The following GRM7 variants were observed in gnomAD, a reference collection of about 807,000 sequenced individuals.
The protein encoded by GRM7 is glutamate metabotropic receptor 7, also known as metabotropic glutamate receptor 7.
Under a neutral mutation model 84.5 loss-of-function variants are expected in GRM7, and 35 were observed. That is an observed-to-expected ratio of 0.41 (90% confidence interval 0.32 to 0.55). The LOEUF is 0.55. Among genes scored for constraint, GRM7 ranks in the 20% least tolerant of loss-of-function variants. The pLI, the probability that GRM7 is intolerant of heterozygous loss-of-function variation, is 0.19. For synonymous variants in GRM7, 487 were observed against 455.1 expected, an observed-to-expected ratio of 1.07 and a Z score of -0.89; for missense variants, 1,003 against 1,194.6, an observed-to-expected ratio of 0.84 and a Z score of 2.36.
chr3:7,119,982 C>A (rs1693165264), intron 1 of GRM7, among the ~76,000 whole-genome samples: 1 of 152,030 alleles, frequency 6.6e-6, no homozygotes, highest in Non-Finnish European at 1.5e-5. Flanking sequence ...GGCAATCTTT[C>A]ATTAATGTAG....
At chr3:7,137,883 AG>A (rs1229671517) in intron 1 of GRM7, among the ~76,000 whole-genome samples, 1 of 152,124 alleles carries the variant, frequency 6.6e-6, no homozygotes, top group Non-Finnish European at 1.5e-5. Flanking sequence ...AATTACTGTC[AG>A]TTCATTCAAA....
chr3:7,122,125 G>T (rs1268758980), intron 1 of GRM7, among the ~76,000 whole-genome samples: 1 of 152,168 alleles, frequency 6.6e-6, no homozygotes, highest in African/African-American at 2.4e-5. Context: ...GTGGTGTTCT[G>T]TTATAGCAGC....
chr3:7,735,360 A>G (rs1702469094), intron 9 of GRM7, among the ~76,000 whole-genome samples: 1 of 88,756 alleles, frequency 1.1e-5, no homozygotes, highest in Admixed American at 9.4e-5. Context: ...ATGTTCTTAC[A>G]TAATGCAAAA....
chr3:7,389,834 A>G (rs958728194), intron 4 of GRM7, among the ~76,000 whole-genome samples: 1 of 150,718 alleles, frequency 6.6e-6, no homozygotes, highest in African/African-American at 2.4e-5. Flanking sequence ...GAGTGTTTTG[A>G]TTGTTTGCAT....
At chr3:7,136,546 C>G (rs1434593551) in intron 1 of GRM7, among the ~76,000 whole-genome samples, 1 of 146,456 alleles carries the variant, frequency 6.8e-6, no homozygotes, top group Non-Finnish European at 1.5e-5. Context: ...AAAAAGTATG[C>G]CGAGGAAAAG....
chr3:7,618,644 T>G (rs1036666712), intron 8 of GRM7, among the ~76,000 whole-genome samples: 1 of 152,170 alleles, frequency 6.6e-6, no homozygotes, highest in African/African-American at 2.4e-5. Context: ...AATGTCCTTT[T>G]GCAAAGTCTC....
intron 1 of GRM7, among the ~76,000 whole-genome samples, chr3:6,880,690 C>A (rs1000916333): frequency 7.9e-5 from 12 of 152,080 alleles, no homozygotes; most frequent in African/African-American, 2.4e-5. Context: ...TACTAAGAAT[C>A]CTTCAGCATT....
At chr3:7,646,588 A>T (rs898728567) in intron 8 of GRM7, among the ~76,000 whole-genome samples, 1 of 152,216 alleles carries the variant, frequency 6.6e-6, no homozygotes, top group East Asian at 1.9e-4. Flanking sequence ...TGCAGTACAC[A>T]TAGGCCCAAA....
At chr3:7,670,527 C>G (rs905612178) in intron 8 of GRM7, among the ~76,000 whole-genome samples, 2 of 152,134 alleles carry the variant, frequency 1.3e-5, no homozygotes, top group African/African-American at 4.8e-5. Context: ...GAACCCTTTA[C>G]AAGTTGAATA....
At chr3:7,652,330 G>A (rs1254216374) in intron 8 of GRM7, among the ~76,000 whole-genome samples, 1 of 152,188 alleles carries the variant, frequency 6.6e-6, no homozygotes, top group African/African-American at 2.4e-5. Flanking sequence ...GGACTGGTTA[G>A]GGGAGAAGGG....
At chr3:7,469,010 A>G (rs1314813260) in intron 7 of GRM7, among the ~76,000 whole-genome samples, 1 of 152,218 alleles carries the variant, frequency 6.6e-6, no homozygotes, top group East Asian at 1.9e-4. Context: ...AATTACTAGC[A>G]TTTAGCTGGG....
chr3:7,053,178 C>A (rs1434022424), intron 1 of GRM7, among the ~76,000 whole-genome samples: 1 of 150,426 alleles, frequency 6.6e-6, no homozygotes, highest in African/African-American at 2.4e-5. Flanking sequence ...TTTTCATGCA[C>A]TTATTTACAT....
At chr3:7,143,774 A>G (rs918357490) in intron 1 of GRM7, among the ~76,000 whole-genome samples, 1 of 152,166 alleles carries the variant, frequency 6.6e-6, no homozygotes, top group Non-Finnish European at 1.5e-5. Context: ...CAGGAAAGGC[A>G]TCTGCGCAAC....
chr3:6,898,326 T>C (rs980917078), intron 1 of GRM7, among the ~76,000 whole-genome samples: 2 of 149,080 alleles, frequency 1.3e-5, no homozygotes, highest in African/African-American at 5.0e-5. Flanking sequence ...TAATGATGAC[T>C]ATGAAGTAGG....
chr3:7,688,128 A>G (rs903704209), intron 9 of GRM7, among the ~76,000 whole-genome samples: 1 of 152,170 alleles, frequency 6.6e-6, no homozygotes, highest in African/African-American at 2.4e-5. Context: ...ATTTAATCTC[A>G]ATCCATTAAA....
At chr3:7,006,764 A>G (rs338091) in intron 1 of GRM7, among the ~76,000 whole-genome samples, 151,270 of 152,298 alleles carry the variant, frequency 0.99, 75,130 homozygotes, top group African/African-American at 1. Context: ...AAAGGCAAAA[A>G]GAACACTGAT....
intron 1 of GRM7, among the ~76,000 whole-genome samples, chr3:6,976,765 G>T (rs1694014288): frequency 6.6e-6 from 1 of 152,068 alleles, no homozygotes; most frequent in African/African-American, 2.4e-5. Flanking sequence ...TTTCAAGTGT[G>T]CTGAAACAAA....
At chr3:7,672,960 G>A (rs1699981566) in intron 8 of GRM7, among the ~76,000 whole-genome samples, 1 of 152,102 alleles carries the variant, frequency 6.6e-6, no homozygotes, top group Non-Finnish European at 1.5e-5. Context: ...ACAGGCTGTT[G>A]TTTTTCAGTG....
intron 2 of GRM7, among the ~76,000 whole-genome samples, chr3:7,241,564 C>T (rs1347918171): frequency 1.3e-5 from 2 of 152,058 alleles, no homozygotes; most frequent in African/African-American, 4.8e-5. Flanking sequence ...TACATAAAAT[C>T]AATCAAGATA....
Sources: gnomAD v4.1 joint callset for allele counts (sites outside exome capture counted in the v4.1 genomes callset) on GRCh38, gnomAD v4.1.1 for gene constraint, MANE v1.5 for transcripts, NCBI Gene and HGNC (gene_info 2026-07-23, HGNC 2026-07-21) for gene names.